The following THRB variants were observed in gnomAD, a reference collection of about 807,000 sequenced individuals.
The protein encoded by THRB is thyroid hormone receptor beta, also known as nuclear receptor subfamily 1 group A member 2.
In THRB, 12 loss-of-function variants were observed where a neutral mutation model predicts 47.8. The observed-to-expected ratio is 0.25, with a 90% confidence interval of 0.16 to 0.41. The LOEUF (loss-of-function observed/expected upper bound fraction) is 0.41, where lower values mean the gene tolerates loss of function less well. THRB is among the 10% of genes least tolerant of loss of function. The pLI is 1.00. For synonymous variants in THRB, 218 were observed against 212.2 expected, an observed-to-expected ratio of 1.03 and a Z score of -0.24; for missense variants, 348 against 589.2, an observed-to-expected ratio of 0.59 and a Z score of 4.24.
chr3:24,330,063 T>C (rs1338133851), intron 2 of THRB, among the ~76,000 whole-genome samples: 2 of 152,072 alleles, frequency 1.3e-5, no homozygotes, highest in African/African-American at 4.8e-5. Context: ...CCCAGCACTT[T>C]GGGAGGCCGA....
chr3:24,130,457 G>A (rs571308955), intron 9 of THRB, among the ~76,000 whole-genome samples: 1 of 152,104 alleles, frequency 6.6e-6, no homozygotes, highest in African/African-American at 2.4e-5. Flanking sequence ...TCAGGGGCTG[G>A]GGGGGCGGTG....
chr3:24,146,572 CT>C (rs1196938400), intron 7 of THRB, 102 bp downstream of exon 7: 9 of 1,239,552 alleles, frequency 7.3e-6, no homozygotes, highest in Non-Finnish European at 1.1e-5. Flanking sequence ...CCTTCTCTGT[CT>C]TCTTGGGTTC....
intron 1 of THRB, among the ~76,000 whole-genome samples, chr3:24,416,369 A>G (rs2068732793): frequency 6.6e-6 from 1 of 151,772 alleles, no homozygotes; most frequent in South Asian, 2.1e-4. Context: ...TGGGATGAAG[A>G]TATCTTCAAG....
chr3:24,236,585 C>T (rs753572866), intron 3 of THRB, among the ~76,000 whole-genome samples: 1 of 152,106 alleles, frequency 6.6e-6, no homozygotes, highest in Non-Finnish European at 1.5e-5. Flanking sequence ...GACTCAAGAA[C>T]AATACAGAGC....
chr3:24,264,641 G>A (rs1265948000), intron 3 of THRB, among the ~76,000 whole-genome samples: 1 of 151,950 alleles, frequency 6.6e-6, no homozygotes, highest in Non-Finnish European at 1.5e-5. Context: ...TCATTAAACA[G>A]AACTATCGTT....
At chr3:24,143,915 C>T in intron 7 of THRB, 1 of 603,222 alleles carries the variant, frequency 1.7e-6, no homozygotes, top group Non-Finnish European at 2.9e-6. Flanking sequence ...AGCCAAACTC[C>T]CCATGACCGG....
chr3:24,222,473 G>C, intron 4 of THRB, among the ~76,000 whole-genome samples: 1 of 152,100 alleles, frequency 6.6e-6, no homozygotes, highest in East Asian at 1.9e-4. Context: ...AGCGGGGAGG[G>C]GAGGCAGTGT....
intron 6 of THRB, among the ~76,000 whole-genome samples, chr3:24,147,854 CT>C (rs2036310888): frequency 1.3e-5 from 2 of 152,186 alleles, no homozygotes; most frequent in Admixed American, 1.3e-4. Context: ...GGTTAAATCG[CT>C]TGCCCAAATC....
chr3:24,425,791 T>C (rs931046791), intron 1 of THRB, among the ~76,000 whole-genome samples: 9 of 151,960 alleles, frequency 5.9e-5, no homozygotes, highest in African/African-American at 2.2e-4. Context: ...AGGCTACCAG[T>C]TGGACAACCT....
At chr3:24,241,254 G>T (rs111607305) in intron 3 of THRB, among the ~76,000 whole-genome samples, 1 of 151,166 alleles carries the variant, frequency 6.6e-6, no homozygotes, top group Non-Finnish European at 1.5e-5. Flanking sequence ...TCAAGGAGGG[G>T]TTTTCACGGC....
chr3:24,458,187 C>A (rs2125616869), intron 1 of THRB: 1 of 152,204 alleles, frequency 6.6e-6, no homozygotes, highest in African/African-American at 2.4e-5. Context: ...CTGATAATAC[C>A]TGCCAGACAA....
chr3:24,272,585 A>C (rs561974479), intron 3 of THRB, among the ~76,000 whole-genome samples: 5 of 152,316 alleles, frequency 3.3e-5, no homozygotes, highest in South Asian at 2.1e-4. Context: ...TTGGGGGTAC[A>C]TCTTTTCCCT....
At chr3:24,224,471 A>G (rs1350562297) in intron 4 of THRB, among the ~76,000 whole-genome samples, 9 of 152,132 alleles carry the variant, frequency 5.9e-5, no homozygotes, top group Non-Finnish European at 1.3e-4. Flanking sequence ...TTTTGAAACC[A>G]TGGAAAGCCA....
intron 4 of THRB, among the ~76,000 whole-genome samples, chr3:24,203,117 T>A (rs2044795026): frequency 6.6e-6 from 1 of 152,206 alleles, no homozygotes; most frequent in Non-Finnish European, 1.5e-5. Flanking sequence ...AAGGGCATTT[T>A]TCTTTAGAAG....
At chr3:24,151,248 CA>C (rs1194261552) in intron 6 of THRB, among the ~76,000 whole-genome samples, 1 of 152,052 alleles carries the variant, frequency 6.6e-6, no homozygotes, top group Non-Finnish European at 1.5e-5. Context: ...ATGTCACGTA[CA>C]AAAACATAGG....
At chr3:24,226,639 G>T (rs1009529325) in intron 4 of THRB, among the ~76,000 whole-genome samples, 1 of 152,132 alleles carries the variant, frequency 6.6e-6, no homozygotes, top group East Asian at 1.9e-4. Context: ...AGCTGTCTAG[G>T]AGTGGGCCTA....
chr3:24,170,313 G>C (rs1014726231), intron 5 of THRB, among the ~76,000 whole-genome samples: 1 of 152,020 alleles, frequency 6.6e-6, no homozygotes, highest in Non-Finnish European at 1.5e-5. Flanking sequence ...CCTTCTCTCC[G>C]CTGCCATCTC....
intron 5 of THRB, among the ~76,000 whole-genome samples, chr3:24,181,714 GCTCCTTATTATTATTCTT>G (rs999728035): frequency 6.6e-6 from 1 of 151,716 alleles, no homozygotes; most frequent in Non-Finnish European, 1.5e-5. Context: ...TGGCAGTCCT[GCTCCTTATTATTATTCTT>G]TTCCTTCTCT....
At chr3:24,360,634 G>A (rs978471536) in intron 1 of THRB, among the ~76,000 whole-genome samples, 29 of 152,218 alleles carry the variant, frequency 1.9e-4, no homozygotes, top group African/African-American at 6.7e-4. Flanking sequence ...GATCTGGGGT[G>A]CAACCTGGGC....
Sources: gnomAD v4.1 joint callset for allele counts (sites outside exome capture counted in the v4.1 genomes callset) on GRCh38, gnomAD v4.1.1 for gene constraint, MANE v1.5 for transcripts, NCBI Gene and HGNC (gene_info 2026-07-23, HGNC 2026-07-21) for gene names.